AGBL1: variants seen among roughly 807,000 people sequenced by gnomAD.
The protein encoded by AGBL1 is cytosolic carboxypeptidase 4.
In AGBL1, 130 loss-of-function variants were observed where a neutral mutation model predicts 118.9. The ratio of observed to expected loss-of-function variants is 1.09; its 90% CI spans 0.95 to 1.26. The LOEUF is 1.26. Ranked by LOEUF, AGBL1 falls within the 50% of genes most tolerant of loss-of-function variation. The probability of loss-of-function intolerance (pLI) is 0.00; values close to 1 mark genes in which losing one functional copy is unlikely to be tolerated. For synonymous variants in AGBL1, 555 were observed against 478.9 expected (o/e 1.16, Z -2.08); for missense variants, 1,584 against 1,298.1 (o/e 1.22, Z -3.38).
intron 1 of AGBL1, among the ~76,000 whole-genome samples, chr15:86,087,849 T>A (rs1430182685): frequency 6.6e-6 from 1 of 152,312 alleles, no homozygotes; most frequent in East Asian, 1.9e-4. Flanking sequence ...AGATTGTCAA[T>A]AGATTTCCTC....
intron 21 of AGBL1, among the ~76,000 whole-genome samples, chr15:86,667,238 G>GTATCTATCTATCTATCTATC (rs1317883898): frequency 1.8e-3 from 185 of 100,962 alleles, no homozygotes; most frequent in African/African-American, 5.4e-3. Flanking sequence ...ATGTATGTAT[G>GTATCTATCTATCTATCTATC]TATGTATGTA....
chr15:86,870,002 G>A (rs1239148236), intron 22 of AGBL1, among the ~76,000 whole-genome samples: 2 of 152,090 alleles, frequency 1.3e-5, no homozygotes, highest in African/African-American at 4.8e-5. Context: ...TGAAACCATT[G>A]CATCAAAGTC....
chr15:86,281,753 A>T (rs986082365), intron 16 of AGBL1, among the ~76,000 whole-genome samples: 1 of 152,200 alleles, frequency 6.6e-6, no homozygotes, highest in Admixed American at 6.5e-5. Context: ...GAAGAAATTC[A>T]GAATTTCTGC....
At chr15:86,188,361 A>C (rs2077665773) in intron 5 of AGBL1, among the ~76,000 whole-genome samples, 1 of 152,156 alleles carries the variant, frequency 6.6e-6, no homozygotes, top group Admixed American at 6.6e-5. Flanking sequence ...GTTTGAAATC[A>C]TCTTCTTTAT....
chr15:87,025,385 T>C (rs1403248501), intron 24 of AGBL1, among the ~76,000 whole-genome samples: 1 of 150,986 alleles, frequency 6.6e-6, no homozygotes, highest in Non-Finnish European at 1.5e-5. Flanking sequence ...TTAAAATAGC[T>C]GCAAAACAAA....
intron 18 of AGBL1, among the ~76,000 whole-genome samples, chr15:86,515,677 G>T (rs1784368893): frequency 1.3e-5 from 2 of 152,166 alleles, no homozygotes; most frequent in Admixed American, 1.3e-4. Context: ...GACTTCAAGT[G>T]GTTGTTGGCT....
chr15:86,862,397 C>T (rs1294357762), intron 22 of AGBL1, among the ~76,000 whole-genome samples: 1 of 152,136 alleles, frequency 6.6e-6, no homozygotes, highest in Non-Finnish European at 1.5e-5. Flanking sequence ...GATATTTAAT[C>T]TGAATTTGTA....
intron 21 of AGBL1, among the ~76,000 whole-genome samples, chr15:86,616,612 A>G (rs901394231): frequency 3.9e-5 from 6 of 152,162 alleles, no homozygotes; most frequent in African/African-American, 7.2e-5. Flanking sequence ...GCTTTATCCT[A>G]TGCCTACATA....
At chr15:86,754,075 A>G (rs1347764405) in intron 22 of AGBL1, among the ~76,000 whole-genome samples, 2 of 152,160 alleles carry the variant, frequency 1.3e-5, no homozygotes, top group Admixed American at 6.6e-5. Context: ...AGCATCCATC[A>G]TACTAAATTA....
chr15:86,999,361 T>G (rs941465289), intron 24 of AGBL1, among the ~76,000 whole-genome samples: 2 of 144,246 alleles, frequency 1.4e-5, no homozygotes, highest in Non-Finnish European at 3.0e-5. Flanking sequence ...CCCGATGCTA[T>G]CCCTCCCCCC....
At chr15:86,430,009 G>T (rs2081915477) in intron 18 of AGBL1, among the ~76,000 whole-genome samples, 1 of 152,176 alleles carries the variant, frequency 6.6e-6, no homozygotes, top group South Asian at 2.1e-4. Context: ...ACATTTTAGG[G>T]TGTCTACATT....
chr15:86,929,417 G>A (rs1031847415), intron 23 of AGBL1, among the ~76,000 whole-genome samples: 9 of 152,226 alleles, frequency 5.9e-5, no homozygotes, highest in East Asian at 1.9e-4. Context: ...GGATAGCTAC[G>A]CCTCACAATC....
At position 86,344,453 on chromosome 15, in the gene AGBL1, C is replaced by A. The variant is rs1027769872; in HGVS notation, c.2374+49045C>A. Reference sequence around the variant, plus strand: ...CCCATCAACATCTATGTGAATGGAGCCCCCTAGAGTTGTGCAGTGTACTGG... The same window carrying A: ...CCCATCAACATCTATGTGAATGGAGACCCCTAGAGTTGTGCAGTGTACTGG... On this transcript the variant is annotated intron_variant, in intron 17 of 22. Transcript: ENST00000614907. Among the ~76,000 whole-genome samples, 6 of 152,054 alleles carry A rather than the reference C, an allele frequency of 3.9e-5. No homozygotes were observed. The East Asian group carries it at 1.2e-3, about 30-fold the overall frequency.
chr15:86,981,824 T>C (rs999365965), intron 23 of AGBL1, among the ~76,000 whole-genome samples: 1 of 152,166 alleles, frequency 6.6e-6, no homozygotes, highest in African/African-American at 2.4e-5. Flanking sequence ...TTCTAAACCA[T>C]CAGCTTTGTA....
At chr15:86,405,069 A>G (rs563516335) in intron 18 of AGBL1, among the ~76,000 whole-genome samples, 1 of 152,328 alleles carries the variant, frequency 6.6e-6, no homozygotes, top group East Asian at 1.9e-4. Context: ...AGGCCAGAGG[A>G]GACAAGTGGC....
chr15:86,914,885 C>T lies in AGBL1; in HGVS notation c.*7591C>T, dbSNP rs1349304133. 1 of 152,130 alleles carries T rather than the reference C, an allele frequency of 6.6e-6. No homozygotes were observed. The highest frequency in any genetic ancestry group is 1.5e-5 in the Non-Finnish European group (1 of 68,026). 9.4% of individuals were successfully genotyped at this position (152,130 alleles called of 1,614,324 possible). A position where few individuals can be genotyped will look rare whatever the true frequency, so the allele number is the denominator to read the frequency against. Reference sequence around the variant, plus strand: ...TCCTTGACTCAAATACAAGTAACTCCTACTGGCCATTTCTGCATAACTTCC... The same window carrying T: ...TCCTTGACTCAAATACAAGTAACTCTTACTGGCCATTTCTGCATAACTTCC... On this transcript the variant is annotated 3_prime_UTR_variant, in exon 23 of 23. Coordinates refer to ENST00000614907, the MANE Select transcript of AGBL1 (RefSeq NM_001386094.1).
intron 22 of AGBL1, among the ~76,000 whole-genome samples, chr15:86,826,928 A>G (rs947305300): frequency 2.0e-5 from 3 of 152,024 alleles, no homozygotes; most frequent in African/African-American, 7.2e-5. Flanking sequence ...GGGTAAGAAC[A>G]CTGTCATAGT....
chr15:86,274,405 G>C (rs1205812670), intron 15 of AGBL1, among the ~76,000 whole-genome samples: 1 of 152,040 alleles, frequency 6.6e-6, no homozygotes, highest in African/African-American at 2.4e-5. Context: ...CATTTTGATT[G>C]CAATTTAATT....
intron 17 of AGBL1, among the ~76,000 whole-genome samples, chr15:86,331,214 A>C (rs535906111): frequency 7.9e-6 from 1 of 126,058 alleles, no homozygotes; most frequent in Non-Finnish European, 1.7e-5. Flanking sequence ...ACAGAGTGAG[A>C]CTCCATCTCA....
Sources: allele counts gnomAD v4.1 joint callset (sites outside exome capture counted in the v4.1 genomes callset), GRCh38; gene constraint gnomAD v4.1.1; transcripts MANE v1.5; gene names NCBI Gene and HGNC (gene_info 2026-07-23, HGNC 2026-07-21).